DNAJC9: variants seen among roughly 807,000 people sequenced by gnomAD.
The protein encoded by DNAJC9 is dnaJ homolog subfamily C member 9.
In DNAJC9, 18 loss-of-function variants were observed where a neutral mutation model predicts 32.4. That is an observed-to-expected ratio of 0.56 (90% confidence interval 0.38 to 0.82). DNAJC9 has a LOEUF of 0.82. DNAJC9 is among the 40% of genes least tolerant of loss of function. The pLI is 0.00. For synonymous variants in DNAJC9, 113 were observed against 122.1 expected (o/e 0.93, Z 0.49); for missense variants, 310 against 321.8 (o/e 0.96, Z 0.28).
chr10:73,240,508 T>C (rs559130332), downstream of DNAJC9, among the ~76,000 whole-genome samples: 419 of 152,186 alleles, frequency 2.8e-3, 1 homozygote, highest in Admixed American at 4.0e-3. Flanking sequence ...GTCAGCATAT[T>C]GAGACCATCC....
chr10:73,236,858 G>C (rs1244558989), downstream of DNAJC9, among the ~76,000 whole-genome samples: 3 of 152,046 alleles, frequency 2.0e-5, no homozygotes, highest in African/African-American at 7.2e-5. Flanking sequence ...TGGGACTACA[G>C]GCACATGCCA....
downstream of DNAJC9, chr10:73,239,277 G>A: frequency 2.0e-6 from 3 of 1,498,084 alleles, no homozygotes; most frequent in Non-Finnish European, 2.7e-6. Context: ...GTGAGAAGAT[G>A]CATCATAAGA....
At chr10:73,233,097 TCAGCACGAGC>T (rs2133405502) in intron 2 of DNAJC9, 1 of 1,551,636 alleles carries the variant, frequency 6.4e-7, no homozygotes, top group Non-Finnish European at 8.7e-7. Flanking sequence ...CTTCATCCGA[TCAGCACGAGC>T]CATTCATGTG....
At chr10:73,234,704 C>A, downstream of DNAJC9, 2 of 1,152,618 alleles carry the variant, frequency 1.7e-6, no homozygotes, top group Admixed American at 2.6e-5. Context: ...TAGCCTAAAG[C>A]TTTCTGTGCA....
chr10:73,246,374 G>A (rs911495536), intron 2 of DNAJC9, among the ~76,000 whole-genome samples, 198 bp from the exon 3 acceptor site: 2 of 152,110 alleles, frequency 1.3e-5, no homozygotes, highest in African/African-American at 2.4e-5. Flanking sequence ...GCTAACTAGG[G>A]ACCAGGGAAG....
rs1433366290 is a variant in DNAJC9, at chr10:73,242,427, G to C, written c.*973C>G. On this transcript the variant is annotated 3_prime_UTR_variant, in exon 5 of 5. Transcript: ENST00000372950. Reference sequence around the variant, plus strand: ...CCTTTCAAAGTTAAAGAATCAGAAAGGGGCCTGTAAGAAGTCATTTAGCCC... The same window carrying C: ...CCTTTCAAAGTTAAAGAATCAGAAACGGGCCTGTAAGAAGTCATTTAGCCC... The C allele has an allele frequency of 6.6e-6, 1 of 152,102 alleles. No homozygotes were observed. Among genetic ancestry groups the C allele is most frequent in the Non-Finnish European group, 1.5e-5 (1 of 68,004 alleles). 9.4% of individuals were successfully genotyped at this position (152,102 alleles called of 1,614,324 possible). A position where few individuals can be genotyped will look rare whatever the true frequency, so the allele number is the denominator to read the frequency against.
At chr10:73,236,323 A>G (rs2043820347), downstream of DNAJC9, among the ~76,000 whole-genome samples, 1 of 152,090 alleles carries the variant, frequency 6.6e-6, no homozygotes, top group Non-Finnish European at 1.5e-5. Context: ...AGGTCTAGGG[A>G]AGAATCTTTT....
intron 2 of DNAJC9, among the ~76,000 whole-genome samples, chr10:73,246,440 T>C (rs1002136151): frequency 2.0e-5 from 3 of 152,118 alleles, no homozygotes; most frequent in Non-Finnish European, 4.4e-5. Flanking sequence ...AGGACTTACA[T>C]TTGGATATGT....
rs371833290 is a variant in DNAJC9, at chr10:73,246,643, T to C, written c.321+45A>G. 113 of 1,605,250 alleles carry C rather than the reference T, an allele frequency of 7.0e-5. No individual in the cohort carries two copies. In the African/African-American group the frequency reaches 1.2e-3, roughly 17 times the overall value. The stretch of plus-strand genomic sequence containing the variant: ...GAGGCAGTCAATAAAGGTTTGTTGA[T>C]TGAATGATGGTAACAGTCACAAAGA... On this transcript the variant is annotated intron_variant, in intron 2 of 4. Transcript: ENST00000372950.
At chr10:73,235,612 C>T (rs993985345), downstream of DNAJC9, 2 of 393,124 alleles carry the variant, frequency 5.1e-6, no homozygotes, top group Non-Finnish European at 8.5e-6. Context: ...ATAAGCATAA[C>T]TTTATTATGT....
downstream of DNAJC9, chr10:73,234,847 C>G (rs1327068654): frequency 1.3e-6 from 2 of 1,551,694 alleles, no homozygotes; most frequent in South Asian, 1.2e-5. Flanking sequence ...TCTCCTCTCC[C>G]TCACCGACGC....
chr10:73,244,035 T>C, intron 3 of DNAJC9, 106 bp from the exon 4 acceptor site: 4 of 871,586 alleles, frequency 4.6e-6, no homozygotes, highest in Non-Finnish European at 5.4e-6. Context: ...TATGAATATA[T>C]GAATAGACAA....
chr10:73,245,244 A>G (rs2043992827), intron 3 of DNAJC9, among the ~76,000 whole-genome samples: 1 of 152,112 alleles, frequency 6.6e-6, no homozygotes, highest in African/African-American at 2.4e-5. Flanking sequence ...AAGCTGCAGA[A>G]AAGTTCCTGA....
chr10:73,235,597 A>G, downstream of DNAJC9: 1 of 469,548 alleles, frequency 2.1e-6, no homozygotes, highest in South Asian at 2.7e-5. Flanking sequence ...CCCAGTACAC[A>G]TCAGATAAGC....
chr10:73,246,616 T>G (rs1436884237), intron 2 of DNAJC9, 72 bp downstream of exon 2: 9 of 1,542,882 alleles, frequency 5.8e-6, no homozygotes, highest in Non-Finnish European at 7.1e-6. Flanking sequence ...TACAAGATCT[T>G]AGAGGCAGTC....
rs560863286 is a variant in DNAJC9, at chr10:73,245,042, G to A, written c.576+880C>T. 9.1e-4 allele frequency among the ~76,000 whole-genome samples: 139 copies of A among 152,226 alleles called. 1 individual carries two copies. The highest frequency in any genetic ancestry group is 1.6e-3 in the Non-Finnish European group (108 of 68,014). On this transcript the variant is annotated intron_variant, in intron 3 of 4. Coordinates refer to ENST00000372950, the MANE Select transcript of DNAJC9 (RefSeq NM_015190.5). ...AGTTTCATCTCAGGAAATGATGAACGACTTAAGATAATTGTCAGCTTGAGT... is the reference window on the plus strand; with the variant it reads ...AGTTTCATCTCAGGAAATGATGAACAACTTAAGATAATTGTCAGCTTGAGT...
At chr10:73,243,659 T>TATTAACACCAATTGTA in intron 4 of DNAJC9, 140 bp from the exon 5 acceptor site, 1 of 1,225,168 alleles carries the variant, frequency 8.2e-7, no homozygotes, top group Non-Finnish European at 1.1e-6. Context: ...GTCCTACAAT[T>TATTAACACCAATTGTA]GGTGTTAATA....
chr10:73,235,571 A>T, downstream of DNAJC9: 1 of 681,900 alleles, frequency 1.5e-6, no homozygotes, highest in Non-Finnish European at 2.2e-6. Context: ...TCTGACCACA[A>T]GCAAGAATAT....
intron 4 of DNAJC9, 93 bp from the exon 5 acceptor site, chr10:73,243,612 A>G (rs2043977151): frequency 4.7e-6 from 7 of 1,497,558 alleles, no homozygotes; most frequent in Non-Finnish European, 6.4e-6. Flanking sequence ...TGGAATAACT[A>G]CTAATGGGTA....
Sources: allele counts gnomAD v4.1 joint callset (sites outside exome capture counted in the v4.1 genomes callset), GRCh38; gene constraint gnomAD v4.1.1; transcripts MANE v1.5; gene names NCBI Gene and HGNC (gene_info 2026-07-23, HGNC 2026-07-21).